RANBP17: variants seen among roughly 807,000 people sequenced by gnomAD.
The protein encoded by RANBP17 is RAN binding protein 17.
Under a neutral mutation model 141.2 loss-of-function variants are expected in RANBP17, and 158 were observed. That is an observed-to-expected ratio of 1.12 (90% CI 0.98 to 1.28). The LOEUF is 1.28. RANBP17 is among the 50% of genes most tolerant of loss of function. RANBP17 has a pLI of 0.00. For missense variants in RANBP17, 1,438 were observed against 1,290.7 expected (o/e 1.11, Z -1.75); for synonymous variants, 430 against 450.0 (o/e 0.96, Z 0.56).
intron 14 of RANBP17, among the ~76,000 whole-genome samples, chr5:171,053,754 A>G (rs1204247271): frequency 6.6e-6 from 1 of 151,184 alleles, no homozygotes. Context: ...TTCCAGTACA[A>G]TGTTGAATAG....
rs767387360 is a variant in RANBP17, at chr5:170,914,178, C to G, written c.772C>G (p.Pro258Ala). The change falls in exon 8 of 28, where the codon CCA becomes GCA. Residue 258 changes from proline (P) to alanine (A), a missense_variant. Transcript: ENST00000523189. ...ATTTTTTTTCCCAGTTTTCCTGGAA[C>G]CAGAAACATTGGATCTTTTCTTCAA... ...PTTWRTIFLE[P>A]ETLDLFFNLY... 9 of 1,606,722 alleles carry G rather than the reference C, an allele frequency of 5.6e-6. No homozygotes were observed. The South Asian group carries it at 9.9e-5, about 18-fold the overall frequency.
chr5:170,928,679 C>G (rs1049002356), intron 12 of RANBP17, among the ~76,000 whole-genome samples: 2 of 151,848 alleles, frequency 1.3e-5, no homozygotes, highest in Non-Finnish European at 2.9e-5. Flanking sequence ...TACCACTGAT[C>G]TATATATGTT....
chr5:171,024,954 G>C (rs1158060579), intron 14 of RANBP17, among the ~76,000 whole-genome samples: 5 of 151,882 alleles, frequency 3.3e-5, no homozygotes, highest in Non-Finnish European at 7.4e-5. Context: ...AAATTCAATA[G>C]GTTATAAACA....
intron 10 of RANBP17, 110 bp downstream of exon 10, chr5:170,918,969 G>A: frequency 1.6e-6 from 1 of 612,614 alleles, no homozygotes; most frequent in Non-Finnish European, 2.5e-6. Context: ...TTACTTTGCT[G>A]GAAATGTTCA....
At chr5:171,180,112 C>G (rs1760780809) in intron 16 of RANBP17, among the ~76,000 whole-genome samples, 1 of 152,150 alleles carries the variant, frequency 6.6e-6, no homozygotes, top group African/African-American at 2.4e-5. Flanking sequence ...TTACTGCCAG[C>G]CAGACTATAG....
intron 14 of RANBP17, among the ~76,000 whole-genome samples, chr5:170,995,158 G>A (rs1362622533): frequency 6.6e-6 from 1 of 152,086 alleles, no homozygotes; most frequent in Middle Eastern, 3.4e-3. Flanking sequence ...ATGATCTTAC[G>A]TGGTGATTTT....
chr5:170,878,098 GT>G lies in RANBP17; in HGVS notation c.23del (p.Leu8TrpfsTer13). Reference sequence around the variant, plus strand: ...ATGTTAATTTTTTTTTCTTTGAAGAGTTTGGCTGAATTGGAAGTGTTATGTA... The same window carrying G: ...ATGTTAATTTTTTTTTCTTTGAAGAGTTGGCTGAATTGGAAGTGTTATGTA... MALHFQ[S>X]LAELEVLCTH... On this transcript the variant is annotated frameshift_variant and splice_region_variant, in exon 2 of 28. Transcript: ENST00000523189. LOFTEE classifies it high-confidence loss of function. 6.5e-7 allele frequency: 1 copy of G among 1,544,428 alleles called. No homozygotes were observed. The highest frequency in any genetic ancestry group is 2.3e-5 in the East Asian group (1 of 43,460).
At position 170,968,236 on chromosome 5, in the gene RANBP17, A is replaced by G; in HGVS notation, c.1575-6A>G. The G allele has an allele frequency of 6.5e-7, 1 of 1,544,654 alleles. No homozygotes were observed. Among genetic ancestry groups the G allele is most frequent in the Non-Finnish European group, 8.7e-7 (1 of 1,156,062 alleles). On this transcript the variant is annotated splice_polypyrimidine_tract_variant and splice_region_variant and intron_variant, in intron 13 of 27. Transcript: ENST00000523189. ...AAGGTTTTTTTTTTATTTTCCCTTC[A>G]TGAAGAGTTTTTCAGCTTATATCTT...
Position 171,068,832 on chromosome 5 carries a change from C to T in RANBP17, c.1710+100455C>T, listed in dbSNP as rs988069504. Among the ~76,000 whole-genome samples, 7 of 152,106 alleles carry T rather than the reference C, an allele frequency of 4.6e-5. No homozygotes were observed. The East Asian group carries it at 7.7e-4, about 17-fold the overall frequency. On this transcript the variant is annotated intron_variant, in intron 14 of 27. Coordinates refer to ENST00000523189, the MANE Select transcript of RANBP17 (RefSeq NM_022897.5). ...AACTCTTGACCTCAAGTGATCTACT[C>T]GCCTCGGCCTCCCAAACTCCTGGGA...
intron 1 of RANBP17, among the ~76,000 whole-genome samples, chr5:170,865,937 G>T (rs1379286865): frequency 6.6e-6 from 1 of 152,172 alleles, no homozygotes; most frequent in African/African-American, 2.4e-5. Context: ...GACATGTTGT[G>T]CTCCCTGCAT....
chr5:170,889,653 A>G (rs966021035), intron 3 of RANBP17, among the ~76,000 whole-genome samples: 5 of 152,212 alleles, frequency 3.3e-5, no homozygotes, highest in African/African-American at 1.2e-4. Context: ...CTTCATAAAC[A>G]TGAAATATTA....
chr5:171,258,118 TACACACACAC>T lies in RANBP17; in HGVS notation c.2777-7530_2777-7521del, dbSNP rs34304503. Among the ~76,000 whole-genome samples the T allele has an allele frequency of 1.4e-3, 176 of 128,290 alleles. 1 individual carries two copies. Among genetic ancestry groups the T allele is most frequent in the Middle Eastern group, 4.0e-3 (1 of 250 alleles). The allele number at this position is 128,290 out of a possible 152,430, so 84.2% of individuals were successfully genotyped here. A position where few individuals can be genotyped will look rare whatever the true frequency, so the allele number is the denominator to read the frequency against. ...CAAAACTCCATCTAAAAAAAAAAAA[TACACACACAC>T]ACACACACACACACACACACACACA... On this transcript the variant is annotated intron_variant, in intron 24 of 27. Coordinates refer to ENST00000523189, the MANE Select transcript of RANBP17 (RefSeq NM_022897.5).
chr5:171,129,480 A>G (rs888731679), intron 14 of RANBP17, among the ~76,000 whole-genome samples: 2 of 152,164 alleles, frequency 1.3e-5, no homozygotes, highest in South Asian at 2.1e-4. Context: ...ACTCGCTTCA[A>G]TCTGGCACTG....
chr5:170,990,609 A>G (rs1236132858), intron 14 of RANBP17, among the ~76,000 whole-genome samples: 4 of 151,984 alleles, frequency 2.6e-5, no homozygotes, highest in African/African-American at 9.7e-5. Flanking sequence ...ATTTAATTAT[A>G]AGAAAGTAAA....
At chr5:170,978,641 A>G in intron 14 of RANBP17, among the ~76,000 whole-genome samples, 1 of 152,196 alleles carries the variant, frequency 6.6e-6, no homozygotes, top group East Asian at 1.9e-4. Flanking sequence ...CCACTTACCA[A>G]TTTCTATAAC....
intron 14 of RANBP17, among the ~76,000 whole-genome samples, chr5:171,042,207 A>C (rs1448963158): frequency 6.6e-6 from 1 of 152,094 alleles, no homozygotes; most frequent in East Asian, 1.9e-4. Flanking sequence ...TTTTTCATAG[A>C]TCCTAGGCCT....
rs200104921 is a variant in RANBP17 at position 171,205,554 on chromosome 5, C to T, written c.2173C>T (p.Arg725Ter). 8.7e-6 allele frequency: 14 copies of T among 1,613,970 alleles called. No individual in the cohort carries two copies. The highest frequency in any genetic ancestry group is 3.3e-5 in the Admixed American group (2 of 59,990). The change falls in exon 20 of 28, where the codon CGA becomes TGA. Residue 725 changes from arginine to a stop codon, truncating the protein, a stop_gained. Coordinates refer to ENST00000523189, the MANE Select transcript of RANBP17 (RefSeq NM_022897.5). LOFTEE classifies it high-confidence loss of function. ...GTTGATCGGGCTGGCAAGAGATCTT[C>T]GAGGGATTGCCTTTGCACTGAACAC... Reference protein sequence around the residue: ...RMLIGLARDLRGIAFALNTKT... With the variant: ...RMLIGLARDL
chr5:171,155,803 G>C (rs192639616), intron 14 of RANBP17, among the ~76,000 whole-genome samples: 198 of 152,232 alleles, frequency 1.3e-3, no homozygotes, highest in African/African-American at 4.7e-3. Context: ...AATTAACAAA[G>C]TTGAAATTTT....
rs57545632 is a variant in RANBP17 at position 170,990,250 on chromosome 5, A to C, written c.1710+21873A>C. 5.9e-3 allele frequency among the ~76,000 whole-genome samples: 898 copies of C among 152,016 alleles called. 10 individuals carry two copies. The highest frequency in any genetic ancestry group is 0.021 in the African/African-American group (852 of 41,556). ...ACATAAATGAATGCAATGTGTATTTATTAGATTCCCACTGATTTCAGCGAA... is the reference window on the plus strand; with the variant it reads ...ACATAAATGAATGCAATGTGTATTTCTTAGATTCCCACTGATTTCAGCGAA... On this transcript the variant is annotated intron_variant, in intron 14 of 27. Coordinates refer to ENST00000523189, the MANE Select transcript of RANBP17 (RefSeq NM_022897.5).
Sources: allele counts gnomAD v4.1 joint callset (sites outside exome capture counted in the v4.1 genomes callset), GRCh38; gene constraint gnomAD v4.1.1; transcripts MANE v1.5; gene names NCBI Gene and HGNC (gene_info 2026-07-23, HGNC 2026-07-21).